DOCK8: variants seen among roughly 807,000 people sequenced by gnomAD.
DOCK8 encodes the protein dedicator of cytokinesis 8.
Under a neutral mutation model 245.6 loss-of-function variants are expected in DOCK8, and 141 were observed. That is an observed-to-expected ratio of 0.57 (90% confidence interval 0.50 to 0.66). The LOEUF (loss-of-function observed/expected upper bound fraction) is 0.66, where lower values mean the gene tolerates loss of function less well. Among genes scored for constraint, DOCK8 ranks in the 30% least tolerant of loss-of-function variants. The probability of loss-of-function intolerance (pLI) is 0.00; values close to 1 mark genes in which losing one functional copy is unlikely to be tolerated. For missense variants in DOCK8, 2,965 were observed against 2,603.4 expected (o/e 1.14, Z -3.02); for synonymous variants, 1,168 against 970.2 (o/e 1.20, Z -3.79).
intron 5 of DOCK8, among the ~76,000 whole-genome samples, chr9:305,477 G>C (rs1034414467): frequency 6.6e-6 from 1 of 152,000 alleles, no homozygotes; most frequent in Non-Finnish European, 1.5e-5. Flanking sequence ...AGTAGAGACG[G>C]GGTTTCACCG....
intron 4 of DOCK8, among the ~76,000 whole-genome samples, chr9:291,663 C>T (rs535021679): frequency 1.3e-5 from 2 of 152,018 alleles, no homozygotes; most frequent in East Asian, 3.9e-4. Flanking sequence ...ACATCCTTCT[C>T]AGGAAAAATT....
Position 347,046 on chromosome 9 carries a change from G to C in DOCK8, c.1679+6725G>C, listed in dbSNP as rs367792788. Among the ~76,000 whole-genome samples the C allele has an allele frequency of 7.0e-4, 106 of 152,270 alleles. 1 individual carries two copies. In the South Asian group the frequency reaches 0.021, roughly 30 times the overall value. On this transcript the variant is annotated intron_variant, in intron 14 of 47. Transcript: ENST00000432829. ...GTGAAGGAAGGGTGGTTGTGCATCAGAGTAAGTGTCCAGCCCCACCCTGAA... is the reference window on the plus strand; with the variant it reads ...GTGAAGGAAGGGTGGTTGTGCATCACAGTAAGTGTCCAGCCCCACCCTGAA...
chr9:439,510 G>A (rs1002683738), intron 40 of DOCK8, 122 bp downstream of exon 40: 3 of 1,347,948 alleles, frequency 2.2e-6, no homozygotes, highest in Non-Finnish European at 3.1e-6. Context: ...GTGCCAGGGT[G>A]TGCGGGGCAG....
At chr9:433,559 G>T (rs896694883) in intron 37 of DOCK8, among the ~76,000 whole-genome samples, 1 of 152,226 alleles carries the variant, frequency 6.6e-6, no homozygotes, top group Non-Finnish European at 1.5e-5. Context: ...CCAGAGTAGA[G>T]TTTAGAACTT....
intron 15 of DOCK8, 178 bp from the exon 16 acceptor site, chr9:370,052 G>A (rs565729734): frequency 8.7e-5 from 56 of 644,528 alleles, no homozygotes; most frequent in Middle Eastern, 5.1e-4. Context: ...ATTCTCCCAC[G>A]CCGACCTCCC....
chr9:443,579 A>G, intron 43 of DOCK8, 63 bp downstream of exon 43: 2 of 1,297,078 alleles, frequency 1.5e-6, no homozygotes, highest in South Asian at 2.4e-5. Flanking sequence ...CTACCCAAGA[A>G]TACCTAATGA....
chr9:404,859 C>G (rs889751374), intron 26 of DOCK8, 59 bp from the exon 27 acceptor site: 8 of 1,597,198 alleles, frequency 5.0e-6, no homozygotes, highest in Admixed American at 1.7e-5. Context: ...TGTCTGCCAA[C>G]CTCAACTCCA....
chr9:274,926 T>G (rs2048283865), intron 2 of DOCK8, among the ~76,000 whole-genome samples: 1 of 152,236 alleles, frequency 6.6e-6, no homozygotes, highest in South Asian at 2.1e-4. Flanking sequence ...TACAAATGAT[T>G]GTTTAATTTT....
At chr9:424,890 C>T (rs1023717478) in intron 33 of DOCK8, among the ~76,000 whole-genome samples, 3 of 152,306 alleles carry the variant, frequency 2.0e-5, no homozygotes, top group African/African-American at 7.2e-5. Flanking sequence ...TAGATTTGTG[C>T]TGTCCAATAC....
chr9:283,554 C>T (rs923812640), intron 2 of DOCK8, among the ~76,000 whole-genome samples: 1 of 152,104 alleles, frequency 6.6e-6, no homozygotes, highest in Non-Finnish European at 1.5e-5. Context: ...CCCCTCCCAT[C>T]TTCCCACCTC....
chr9:426,834 A>C, intron 33 of DOCK8, 51 bp from the exon 34 acceptor site: 1 of 1,467,852 alleles, frequency 6.8e-7, no homozygotes, highest in African/African-American at 1.4e-5. Flanking sequence ...CATCATGGGA[A>C]CCTGGCCAGG....
intron 1 of DOCK8, among the ~76,000 whole-genome samples, chr9:226,981 A>G (rs189864351): frequency 6.6e-4 from 101 of 152,294 alleles, no homozygotes; most frequent in African/African-American, 2.2e-3. Context: ...TATATGCATA[A>G]CTCTCTGCAG....
intron 14 of DOCK8, among the ~76,000 whole-genome samples, chr9:345,422 C>T (rs573293002): frequency 6.6e-6 from 1 of 152,262 alleles, no homozygotes; most frequent in South Asian, 2.1e-4. Context: ...ATTAATGTGC[C>T]CTTAACATAA....
chr9:315,033 A>G (rs1458959955), intron 6 of DOCK8, among the ~76,000 whole-genome samples: 1 of 152,200 alleles, frequency 6.6e-6, no homozygotes, highest in African/African-American at 2.4e-5. Context: ...CTGATACTCC[A>G]AATTATAGAA....
chr9:379,883 C>T lies in DOCK8; in HGVS notation c.2553C>T (p.Tyr851=), dbSNP rs372565541. ...GGAGGAACTGCCTGCTGGCTTCCTACGTGCACTACGTCTTCCGCCTGCCAG... is the reference window on the plus strand; with the variant it reads ...GGAGGAACTGCCTGCTGGCTTCCTATGTGCACTACGTCTTCCGCCTGCCAG... The part of the protein sequence containing the change: ...QHGRNCLLAS[Y]VHYVFRLPEV... The change falls in exon 21 of 48, where the codon TAC becomes TAT. Residue 851 remains tyrosine (Y), a synonymous_variant. Coordinates refer to ENST00000432829, the MANE Select transcript of DOCK8 (RefSeq NM_203447.4). 7.4e-6 allele frequency: 12 copies of T among 1,614,072 alleles called. No homozygotes were observed. Among genetic ancestry groups the T allele is most frequent in the Admixed American group, 5.0e-5 (3 of 60,016 alleles).
At chr9:341,163 G>A (rs1438949452) in intron 14 of DOCK8, among the ~76,000 whole-genome samples, 1 of 152,192 alleles carries the variant, frequency 6.6e-6, no homozygotes. Flanking sequence ...CAGTGCAATG[G>A]AGGAACTGAA....
intron 1 of DOCK8, among the ~76,000 whole-genome samples, chr9:228,896 G>C (rs1156535326): frequency 6.6e-6 from 1 of 152,196 alleles, no homozygotes; most frequent in Non-Finnish European, 1.5e-5. Context: ...TCACTCACAA[G>C]TCCAGGACCT....
At chr9:390,623 G>A (rs531611908) in intron 24 of DOCK8, 57 bp downstream of exon 24, 1 of 1,540,728 alleles carries the variant, frequency 6.5e-7, no homozygotes, top group Admixed American at 1.7e-5. Context: ...GCACACAGCA[G>A]AAAGGAATTG....
rs781155531 is a variant in DOCK8, at chr9:429,805, C to A, written c.4577C>A (p.Ala1526Asp). 1 of 1,614,204 alleles carries A rather than the reference C, an allele frequency of 6.2e-7. No individual in the cohort carries two copies. Among genetic ancestry groups the A allele is most frequent in the Non-Finnish European group, 8.5e-7 (1 of 1,180,042 alleles). The change falls in exon 36 of 48, where the codon GCC (alanine) becomes GAC (aspartate). Residue 1526 changes from alanine to aspartate, a missense_variant. This residue lies in a region of DOCK8 where 2,825 missense variants were observed against 2,453.5 expected (regional missense o/e 1.15). Transcript: ENST00000432829. The part of the protein sequence containing the change: ...SSSMDVTRSQ[A>D]CATLYLLMRF... ...AGCATGGATGTCACCCGGAGCCAAG[C>A]CTGTGCCACCCTTTACCTCCTCATG...
Sources: gnomAD v4.1 joint callset for allele counts (sites outside exome capture counted in the v4.1 genomes callset) on GRCh38, gnomAD v4.1.1 for gene constraint, gnomAD v4.1.1 regional missense constraint, MANE v1.5 for transcripts, NCBI Gene and HGNC (gene_info 2026-07-23, HGNC 2026-07-21) for gene names.